IL12RB2: variants seen among roughly 807,000 people sequenced by gnomAD.
The protein encoded by IL12RB2 is interleukin 12 receptor subunit beta 2.
IL12RB2 carries 82 observed loss-of-function variants against 89.4 expected under a neutral mutation model. The observed-to-expected ratio is 0.92, with a 90% CI of 0.77 to 1.10. The LOEUF is 1.10. Among genes scored for constraint, IL12RB2 ranks in the 50% least tolerant of loss-of-function variants. The pLI, the probability that IL12RB2 is intolerant of heterozygous loss-of-function variation, is 0.00. For missense variants in IL12RB2, 963 were observed against 1,031.9 expected (o/e 0.93, Z 0.92); for synonymous variants, 368 against 370.1 (o/e 0.99, Z 0.07).
At chr1:67,342,513 G>GT (rs1391270777) in intron 9 of IL12RB2, among the ~76,000 whole-genome samples, 6 of 152,046 alleles carry the variant, frequency 3.9e-5, no homozygotes, top group Non-Finnish European at 7.4e-5. Flanking sequence ...GTGAATGTAT[G>GT]TGAGTGTAAG....
rs1657599118 is a variant in IL12RB2, at chr1:67,328,293, A to G, written c.573A>G (p.Ser191=). The G allele has an allele frequency of 6.2e-7, 1 of 1,614,010 alleles. No homozygotes were observed. Among genetic ancestry groups the G allele is most frequent in the African/African-American group, 1.3e-5 (1 of 74,922 alleles). ...LDFGINLTPE[S]PESNFTAKVT... ...TTGGAATCAACCTCACCCCTGAATC[A>G]CCTGAATCCAATTTCACAGCCAAGG... Residue 191 remains serine (S), a synonymous_variant, in exon 6 of 17, where the codon TCA becomes TCG. Transcript: ENST00000674203.
chr1:67,391,718 G>A (rs912291544), intron 16 of IL12RB2, among the ~76,000 whole-genome samples: 6 of 151,364 alleles, frequency 4.0e-5, no homozygotes, highest in Non-Finnish European at 7.4e-5. Context: ...CTCACTGCAA[G>A]CTTCACCTTC....
intron 13 of IL12RB2, among the ~76,000 whole-genome samples, chr1:67,378,965 A>T (rs1664274385): frequency 6.6e-6 from 1 of 151,854 alleles, no homozygotes. Context: ...TGGGAGGCTG[A>T]GGTGGGCAGA....
chr1:67,339,351 G>A (rs963107606), intron 9 of IL12RB2, among the ~76,000 whole-genome samples: 1 of 152,164 alleles, frequency 6.6e-6, no homozygotes, highest in African/African-American at 2.4e-5. Context: ...GCCGGGCATG[G>A]TGGCATGCGC....
intron 16 of IL12RB2, among the ~76,000 whole-genome samples, chr1:67,395,318 C>G (rs1268515546): frequency 2.6e-5 from 4 of 152,012 alleles, no homozygotes; most frequent in African/African-American, 7.2e-5. Context: ...TTGAGCAGGG[C>G]TGTGAATCAC....
chr1:67,315,384 T>C (rs545670681), intron 2 of IL12RB2, among the ~76,000 whole-genome samples: 1 of 152,246 alleles, frequency 6.6e-6, no homozygotes, highest in African/African-American at 2.4e-5. Context: ...GCCATAGATA[T>C]CTTTTGCAGT....
chr1:67,312,241 C>T (rs1655161792), intron 1 of IL12RB2, among the ~76,000 whole-genome samples: 1 of 152,088 alleles, frequency 6.6e-6, no homozygotes, highest in South Asian at 2.1e-4. Flanking sequence ...CTTATTTTAT[C>T]GATAGGCCTA....
chr1:67,329,158 G>T (rs923673506), intron 6 of IL12RB2, among the ~76,000 whole-genome samples: 1 of 151,982 alleles, frequency 6.6e-6, no homozygotes, highest in Non-Finnish European at 1.5e-5. Flanking sequence ...CTACCTTCTC[G>T]CCCCCTTGTT....
chr1:67,382,971 T>G (rs6685676), intron 14 of IL12RB2, among the ~76,000 whole-genome samples: 1 of 152,018 alleles, frequency 6.6e-6, no homozygotes, highest in Non-Finnish European at 1.5e-5. Flanking sequence ...GCTGTGGACA[T>G]TGCATATACC....
intron 9 of IL12RB2, among the ~76,000 whole-genome samples, chr1:67,348,968 T>C (rs1660531248): frequency 6.6e-6 from 1 of 152,176 alleles, no homozygotes; most frequent in East Asian, 1.9e-4. Context: ...CTCTAAAATA[T>C]GGGATGCGAA....
intron 10 of IL12RB2, among the ~76,000 whole-genome samples, chr1:67,363,278 G>A (rs1210778313): frequency 4.6e-5 from 6 of 130,434 alleles, no homozygotes; most frequent in South Asian, 2.5e-4. Context: ...GTGCAATGGC[G>A]TGATCTTGGC....
rs772560362 is a variant in IL12RB2, at chr1:67,380,084, G to C, written c.1816G>C (p.Glu606Gln). 2 of 1,614,208 alleles carry C rather than the reference G, an allele frequency of 1.2e-6. No homozygotes were observed. The highest frequency in any genetic ancestry group is 2.2e-5 in the South Asian group (2 of 91,084). Reference sequence around the variant, plus strand: ...GATGACAGCTCTGACAGCTGCTGGTGAAAGTTCCCACGGAAATGAGAGGGA... The same window carrying C: ...GATGACAGCTCTGACAGCTGCTGGTCAAAGTTCCCACGGAAATGAGAGGGA... ...LWMTALTAAGESSHGNEREFC... is the reference protein window; with the variant it reads ...LWMTALTAAGQSSHGNEREFC... The change falls in exon 14 of 17, where the codon GAA (glutamate) becomes CAA (glutamine). Residue 606 changes from glutamate (E) to glutamine (Q), a missense_variant. Physicochemically the swap from Glu to Gln is conservative, Grantham distance 29. Coordinates refer to ENST00000674203, the MANE Select transcript of IL12RB2 (RefSeq NM_001374259.2).
intron 2 of IL12RB2, among the ~76,000 whole-genome samples, chr1:67,318,329 C>A (rs774263036): frequency 2.6e-5 from 4 of 152,028 alleles, no homozygotes; most frequent in African/African-American, 9.7e-5. Flanking sequence ...TGAAGGGTTT[C>A]CAATAGTGGT....
intron 10 of IL12RB2, among the ~76,000 whole-genome samples, chr1:67,365,253 G>T (rs1322656088): frequency 6.6e-6 from 1 of 152,002 alleles, no homozygotes; most frequent in Non-Finnish European, 1.5e-5. Context: ...AGGAAAAATG[G>T]ATCAAATAAC....
intron 14 of IL12RB2, among the ~76,000 whole-genome samples, chr1:67,386,267 C>T (rs34388481): frequency 6.8e-6 from 1 of 147,238 alleles, no homozygotes; most frequent in Non-Finnish European, 1.5e-5. Flanking sequence ...GATTACACAT[C>T]TGCTAGCGGC....
intron 9 of IL12RB2, among the ~76,000 whole-genome samples, chr1:67,344,319 G>A (rs556489067): frequency 6.6e-6 from 1 of 152,142 alleles, no homozygotes; most frequent in African/African-American, 2.4e-5. Context: ...TTGAGATAGA[G>A]TCTCCCTCTG....
In IL12RB2 at chr1:67,309,045, C is replaced by CAT. The variant is rs146292829; in HGVS notation, c.-125+1092_-125+1093dup. On this transcript the variant is annotated intron_variant, in intron 1 of 16. Coordinates refer to ENST00000674203, the MANE Select transcript of IL12RB2 (RefSeq NM_001374259.2). ...AAAAATAAATACATACATACATATA[C>CAT]ATATATATATATATACACACACACA... Among the ~76,000 whole-genome samples the CAT allele has an allele frequency of 1.9e-3, 291 of 149,420 alleles. 1 individual carries two copies. The highest frequency in any genetic ancestry group is 7.0e-3 in the South Asian group (33 of 4,710).
Position 67,367,875 on chromosome 1 carries a change from A to G in IL12RB2, c.1309A>G (p.Ile437Val). 1.2e-6 allele frequency: 2 copies of G among 1,610,480 alleles called. No homozygotes were observed. The highest frequency in any genetic ancestry group is 1.7e-6 in the Non-Finnish European group (2 of 1,176,658). Reference protein sequence around the residue: ...VSANSEGMDNILVTWQPPRKD... With the variant: ...VSANSEGMDNVLVTWQPPRKD... ...TGCAAACTCAGAGGGCATGGACAACATTCTGGTGACTTGGCAGCCTCCCAG... is the reference window on the plus strand; with the variant it reads ...TGCAAACTCAGAGGGCATGGACAACGTTCTGGTGACTTGGCAGCCTCCCAG... The change falls in exon 11 of 17, where the codon ATT (isoleucine) becomes GTT (valine). Residue 437 changes from isoleucine (I) to valine (V), a missense_variant. Physicochemically the swap from Ile to Val is conservative, Grantham distance 29. Transcript: ENST00000674203.
At chr1:67,323,505 AATCCC>A (rs1317036997) in intron 4 of IL12RB2, among the ~76,000 whole-genome samples, 1 of 152,240 alleles carries the variant, frequency 6.6e-6, no homozygotes, top group African/African-American at 2.4e-5. Context: ...CAAAGTGCTT[AATCCC>A]ATACAAGGCA....
Sources: gnomAD v4.1 joint callset for allele counts (sites outside exome capture counted in the v4.1 genomes callset) on GRCh38, gnomAD v4.1.1 for gene constraint, MANE v1.5 for transcripts, NCBI Gene and HGNC (gene_info 2026-07-23, HGNC 2026-07-21) for gene names.